The following STXBP4 variants were observed in gnomAD, a reference collection of about 807,000 sequenced individuals.
The protein encoded by STXBP4 is syntaxin binding protein 4, also known as syntaxin-binding protein 4.
A neutral mutation model predicts 76.1 loss-of-function variants in STXBP4; 55 were observed. That is an observed-to-expected ratio of 0.72 (90% CI 0.58 to 0.91). The LOEUF (loss-of-function observed/expected upper bound fraction) is 0.91. STXBP4 is among the 40% of genes least tolerant of loss of function. The pLI, the probability that STXBP4 is intolerant of heterozygous loss-of-function variation, is 0.00. For missense variants in STXBP4, 618 were observed against 636.9 expected (o/e 0.97, Z 0.32); for synonymous variants, 201 against 220.2 (o/e 0.91, Z 0.77).
At chr17:55,018,318 C>T (rs1039772062) in intron 8 of STXBP4, among the ~76,000 whole-genome samples, 1 of 152,106 alleles carries the variant, frequency 6.6e-6, no homozygotes, top group Non-Finnish European at 1.5e-5. Flanking sequence ...GACACTCTGC[C>T]GGATTGAGAG....
intron 12 of STXBP4, among the ~76,000 whole-genome samples, chr17:55,053,460 A>G (rs749612398): frequency 6.6e-6 from 1 of 152,146 alleles, no homozygotes; most frequent in Non-Finnish European, 1.5e-5. Context: ...AATCTCAGCC[A>G]CAACCACTTA....
At chr17:55,092,601 G>A (rs1432610408) in intron 16 of STXBP4, among the ~76,000 whole-genome samples, 1 of 152,144 alleles carries the variant, frequency 6.6e-6, no homozygotes, top group African/African-American at 2.4e-5. Flanking sequence ...GCATGTATTT[G>A]TCTGTGCAAG....
intron 3 of STXBP4, among the ~76,000 whole-genome samples, chr17:54,986,680 T>C (rs1369307511): frequency 6.6e-6 from 1 of 152,196 alleles, no homozygotes; most frequent in African/African-American, 2.4e-5. Flanking sequence ...AAAAACTCTT[T>C]TGTGAGATTT....
At chr17:55,116,381 A>G (rs2079780586) in intron 16 of STXBP4, among the ~76,000 whole-genome samples, 1 of 151,850 alleles carries the variant, frequency 6.6e-6, no homozygotes, top group South Asian at 2.1e-4. Context: ...CAAATGTTTT[A>G]GAATGTACCA....
Position 55,163,691 on chromosome 17 carries a change from T to C in STXBP4, c.*3780T>C, listed in dbSNP as rs570009024. On this transcript the variant is annotated 3_prime_UTR_variant, in exon 18 of 18. Coordinates refer to ENST00000376352, the MANE Select transcript of STXBP4 (RefSeq NM_178509.6). ...AGCTCATAGTCTAAAACCATTTTTC[T>C]TTCTTTTTTTTCCCCCTAAACAACC... 2.0e-5 allele frequency: 3 copies of C among 152,422 alleles called. No individual in the cohort carries two copies. The highest frequency in any genetic ancestry group is 4.4e-5 in the Non-Finnish European group (3 of 68,020). The allele number at this position is 152,422 out of a possible 1,614,324, so 9.4% of individuals were successfully genotyped here.
At chr17:55,117,702 TATGTGGGC>T (rs1473267578) in intron 16 of STXBP4, among the ~76,000 whole-genome samples, 1 of 152,066 alleles carries the variant, frequency 6.6e-6, no homozygotes, top group African/African-American at 2.4e-5. Context: ...ATGTTTACAT[TATGTGGGC>T]AAAACAACTG....
rs1376484032 is a variant in STXBP4 at position 55,169,651 on chromosome 17, AT to A, written c.*9741del. The A allele has an allele frequency of 1.3e-5, 2 of 152,246 alleles. No homozygotes were observed. Among genetic ancestry groups the A allele is most frequent in the Non-Finnish European group, 2.9e-5 (2 of 68,046 alleles). The allele number at this position is 152,246 out of a possible 1,614,324, so 9.4% of individuals were successfully genotyped here. A position where few individuals can be genotyped will look rare whatever the true frequency, so the allele number is the denominator to read the frequency against. On this transcript the variant is annotated 3_prime_UTR_variant, in exon 18 of 18. Coordinates refer to ENST00000376352, the MANE Select transcript of STXBP4 (RefSeq NM_178509.6). ...AATCAAGTCTCCTTGTTCCTGGTTT[AT>A]CTCATAGCATACTTAAAATTCAGCT... is the stretch of plus-strand genomic sequence containing the variant.
chr17:54,986,006 A>G (rs2077621566), intron 2 of STXBP4, 136 bp from the exon 3 acceptor site: 5 of 537,332 alleles, frequency 9.3e-6, no homozygotes, highest in East Asian at 3.3e-5. Context: ...CACAAAATAC[A>G]TACAATACAT....
rs192077049 is a variant in STXBP4 at position 55,117,191 on chromosome 17, A to G, written c.1490-24119A>G. Among the ~76,000 whole-genome samples, 124 of 151,860 alleles carry G rather than the reference A, an allele frequency of 8.2e-4. 1 individual carries two copies. Among genetic ancestry groups the G allele is most frequent in the Non-Finnish European group, 1.8e-4 (12 of 67,770 alleles). On this transcript the variant is annotated intron_variant, in intron 16 of 17. Coordinates refer to ENST00000376352, the MANE Select transcript of STXBP4 (RefSeq NM_178509.6). Reference sequence around the variant, plus strand: ...TTTTACTAAGCAATTTTTTTAATCTATTGTCTCTTAGAAGAGTCTTTCCTG... The same window carrying G: ...TTTTACTAAGCAATTTTTTTAATCTGTTGTCTCTTAGAAGAGTCTTTCCTG...
chr17:55,204,679 AAAGAAAACTCT>A, the STXBP4 span, among the ~76,000 whole-genome samples: 179 of 152,260 alleles, frequency 1.2e-3, 1 homozygote, highest in Non-Finnish European at 2.4e-3. Flanking sequence ...TATGAATAAA[AAAGAAAACTCT>A]AATTAGTTTT....
intron 16 of STXBP4, among the ~76,000 whole-genome samples, chr17:55,121,047 A>G (rs2079838369): frequency 6.6e-6 from 1 of 152,148 alleles, no homozygotes; most frequent in Admixed American, 6.6e-5. Flanking sequence ...TCCTTCTAAC[A>G]CTAAGCAAAT....
At position 55,103,579 on chromosome 17, in the gene STXBP4, G is replaced by GTTTTTT. The variant is rs36032034; in HGVS notation, c.1489+22401_1489+22406dup. Among the ~76,000 whole-genome samples the GTTTTTT allele has an allele frequency of 1.7e-4, 24 of 143,412 alleles. 1 individual carries two copies. Among genetic ancestry groups the GTTTTTT allele is most frequent in the African/African-American group, 4.6e-4 (18 of 39,224 alleles). The allele number at this position is 143,412 out of a possible 152,430, so 94.1% of individuals were successfully genotyped here. On this transcript the variant is annotated intron_variant, in intron 16 of 17. Coordinates refer to ENST00000376352, the MANE Select transcript of STXBP4 (RefSeq NM_178509.6). ...CAGGTAGCATGATGCCTCCAGTTTT[G>GTTTTTT]TTTTTTTTTTGCTTAGGATTGTCTT... is the stretch of plus-strand genomic sequence containing the variant.
At chr17:55,197,675 G>A in the STXBP4 span, among the ~76,000 whole-genome samples, 172 of 152,084 alleles carry the variant, frequency 1.1e-3, 1 homozygote, top group African/African-American at 3.9e-3. Flanking sequence ...CTGGGGAGGC[G>A]GAGGTTGCAG....
At chr17:55,084,192 A>G (rs2079294034) in intron 16 of STXBP4, among the ~76,000 whole-genome samples, 2 of 152,028 alleles carry the variant, frequency 1.3e-5, no homozygotes, top group South Asian at 4.1e-4. Flanking sequence ...GTGAGATGGT[A>G]TCTCATTGTG....
chr17:55,034,928 A>G (rs868259115), intron 10 of STXBP4, among the ~76,000 whole-genome samples: 4 of 151,908 alleles, frequency 2.6e-5, no homozygotes, highest in Non-Finnish European at 5.9e-5. Context: ...AGTCCTTTTC[A>G]TTGTGGATTT....
chr17:55,016,548 G>C (rs555960889), intron 8 of STXBP4, among the ~76,000 whole-genome samples: 1 of 152,176 alleles, frequency 6.6e-6, no homozygotes, highest in Non-Finnish European at 1.5e-5. Context: ...CAGCTCTCAC[G>C]TTTGAGGAGA....
intron 3 of STXBP4, among the ~76,000 whole-genome samples, chr17:54,988,574 G>T (rs958973459): frequency 9.9e-5 from 15 of 152,234 alleles, no homozygotes; most frequent in Admixed American, 9.8e-4. Flanking sequence ...AGGAGTTCGA[G>T]ACCAGCCTGG....
the STXBP4 span, among the ~76,000 whole-genome samples, chr17:55,188,010 A>C: frequency 1.3e-5 from 2 of 152,180 alleles, no homozygotes; most frequent in Non-Finnish European, 2.9e-5. Flanking sequence ...CACTGTTATC[A>C]TATCCATTTT....
At chr17:55,123,849 G>A (rs1175965902) in intron 16 of STXBP4, among the ~76,000 whole-genome samples, 7 of 151,414 alleles carry the variant, frequency 4.6e-5, no homozygotes, top group Non-Finnish European at 1.5e-5. Flanking sequence ...GCAGTGAGCC[G>A]AGATTGCACC....
Sources: gnomAD v4.1 joint callset for allele counts (sites outside exome capture counted in the v4.1 genomes callset) on GRCh38, gnomAD v4.1.1 for gene constraint, MANE v1.5 for transcripts, NCBI Gene and HGNC (gene_info 2026-07-23, HGNC 2026-07-21) for gene names.